Variants in CCSER2 observed in about 807,000 individuals in gnomAD.
CCSER2 encodes the protein serine-rich coiled-coil domain-containing protein 2.
In CCSER2, 46 loss-of-function variants were observed where a neutral mutation model predicts 92.3. That is an observed-to-expected ratio of 0.50 (90% CI 0.39 to 0.64). The LOEUF is 0.64. Ranked by LOEUF, CCSER2 falls within the 30% of genes least tolerant of loss-of-function variation. The pLI, the probability that CCSER2 is intolerant of heterozygous loss-of-function variation, is 0.00. For missense variants in CCSER2, 1,244 were observed against 1,238.9 expected, an observed-to-expected ratio of 1.00 and a Z score of -0.06; for synonymous variants, 433 against 431.4, an observed-to-expected ratio of 1.00 and a Z score of -0.04.
intron 9 of CCSER2, among the ~76,000 whole-genome samples, chr10:84,483,394 A>C (rs1847572050): frequency 7.5e-6 from 1 of 134,228 alleles, no homozygotes; most frequent in Admixed American, 7.5e-5. Flanking sequence ...ACTCTGTCTC[A>C]AAAAAAAAAA....
chr10:84,489,470 T>C (rs550714263), intron 9 of CCSER2, among the ~76,000 whole-genome samples: 24 of 152,360 alleles, frequency 1.6e-4, no homozygotes, highest in South Asian at 1.2e-3. Flanking sequence ...TCTTGTTGAA[T>C]TGATCCCTTT....
chr10:84,404,655 A>G (rs1029652461), intron 3 of CCSER2, among the ~76,000 whole-genome samples: 4 of 152,220 alleles, frequency 2.6e-5, no homozygotes. Flanking sequence ...TCAATTTTTA[A>G]AAGTTTGACT....
intron 9 of CCSER2, among the ~76,000 whole-genome samples, chr10:84,488,320 A>G (rs1300744097): frequency 6.6e-6 from 1 of 152,210 alleles, no homozygotes; most frequent in Non-Finnish European, 1.5e-5. Flanking sequence ...GAATGATACC[A>G]GCTCCTCCTT....
At chr10:84,465,602 A>C (rs1302476928) in intron 7 of CCSER2, among the ~76,000 whole-genome samples, 1 of 152,072 alleles carries the variant, frequency 6.6e-6, no homozygotes. Flanking sequence ...TTGGGATTGC[A>C]GGCATGAGCC....
chr10:84,480,136 C>G (rs1039180473), intron 9 of CCSER2, among the ~76,000 whole-genome samples: 1 of 152,146 alleles, frequency 6.6e-6, no homozygotes, highest in Non-Finnish European at 1.5e-5. Context: ...CCTTGACCTC[C>G]TGGGCTCAAG....
chr10:84,440,037 C>G (rs1452034998), intron 6 of CCSER2, among the ~76,000 whole-genome samples: 1 of 152,074 alleles, frequency 6.6e-6, no homozygotes, highest in East Asian at 1.9e-4. Context: ...GTGTTTTGCC[C>G]TGAATCATGA....
chr10:84,366,905 C>T (rs1313612887), intron 1 of CCSER2, among the ~76,000 whole-genome samples: 1 of 152,040 alleles, frequency 6.6e-6, no homozygotes, highest in East Asian at 1.9e-4. Flanking sequence ...GGTAGTAGTA[C>T]AGGAAGAAAT....
chr10:84,406,790 C>T (rs971862038), intron 3 of CCSER2, among the ~76,000 whole-genome samples: 6 of 152,198 alleles, frequency 3.9e-5, no homozygotes, highest in African/African-American at 1.4e-4. Flanking sequence ...CTCTTTCCCA[C>T]ATTAACCAAT....
rs778879221 is a variant in CCSER2, at chr10:84,417,917, A to T, written c.1705+56A>T. On this transcript the variant is annotated intron_variant, in intron 4 of 9. Coordinates refer to ENST00000372088, the MANE Select transcript of CCSER2 (RefSeq NM_001284240.2). ...GTATATACTTGAGCTACTCGACTGTAGCCAATTTGATATTTGTTACTTGCA... is the reference window on the plus strand; with the variant it reads ...GTATATACTTGAGCTACTCGACTGTTGCCAATTTGATATTTGTTACTTGCA... 2.8e-5 allele frequency: 24 copies of T among 856,370 alleles called. No homozygotes were observed. The Admixed American group carries it at 3.3e-4, about 12-fold the overall frequency. The allele number at this position is 856,370 out of a possible 1,614,324, so 53.0% of individuals were successfully genotyped here. A position where few individuals can be genotyped will look rare whatever the true frequency, so the allele number is the denominator to read the frequency against.
intron 9 of CCSER2, among the ~76,000 whole-genome samples, chr10:84,479,396 T>A (rs550339530): frequency 4.6e-5 from 7 of 152,350 alleles, no homozygotes; most frequent in South Asian, 2.1e-4. Flanking sequence ...GAGAGTGGTT[T>A]GCTGCCAACA....
At chr10:84,392,000 G>C in intron 3 of CCSER2, 1 of 1,324,440 alleles carries the variant, frequency 7.6e-7, no homozygotes, top group South Asian at 1.2e-5. Context: ...TCTCTGACCA[G>C]TTTCCTCTTC....
At chr10:84,391,737 C>T in intron 3 of CCSER2, 1 of 1,499,020 alleles carries the variant, frequency 6.7e-7, no homozygotes, top group Non-Finnish European at 9.3e-7. Flanking sequence ...GAGGTGGCCC[C>T]CATGCTACAG....
At chr10:84,473,291 AT>A (rs1846929046) in intron 8 of CCSER2, 1 of 152,180 alleles carries the variant, frequency 6.6e-6, no homozygotes, top group Non-Finnish European at 1.5e-5. Flanking sequence ...TCAGCTAGAA[AT>A]TCCCTCTGTA....
intron 6 of CCSER2, among the ~76,000 whole-genome samples, chr10:84,447,607 C>G (rs958629843): frequency 6.6e-6 from 1 of 152,118 alleles, no homozygotes; most frequent in African/African-American, 2.4e-5. Flanking sequence ...GTTTGAAAAT[C>G]CTTTCTTGCT....
At chr10:84,355,971 C>T (rs987426372) in intron 1 of CCSER2, among the ~76,000 whole-genome samples, 6 of 151,948 alleles carry the variant, frequency 3.9e-5, no homozygotes, top group East Asian at 1.9e-4. Flanking sequence ...GATGTAGTGG[C>T]GGGCGCCTGT....
intron 8 of CCSER2, among the ~76,000 whole-genome samples, chr10:84,471,435 G>A (rs1192033903): frequency 6.6e-6 from 1 of 152,038 alleles, no homozygotes; most frequent in African/African-American, 2.4e-5. Context: ...AGAAAATTAT[G>A]TAAGCTTCGA....
In CCSER2 at chr10:84,478,566, T is replaced by G. The variant is rs1458328845; in HGVS notation, c.2325+902T>G. Among the ~76,000 whole-genome samples the G allele has an allele frequency of 1.6e-4, 24 of 152,200 alleles. 1 individual carries two copies. The highest frequency in any genetic ancestry group is 1.6e-3 in the Admixed American group (24 of 15,270). On this transcript the variant is annotated intron_variant, in intron 9 of 9. Coordinates refer to ENST00000372088, the MANE Select transcript of CCSER2 (RefSeq NM_001284240.2). ...CTTTTCATCTAACAAGTATTTTTTTTGTGCTCTGTATAAGATACAATGGTA... is the reference window on the plus strand; with the variant it reads ...CTTTTCATCTAACAAGTATTTTTTTGGTGCTCTGTATAAGATACAATGGTA...
intron 9 of CCSER2, among the ~76,000 whole-genome samples, chr10:84,484,520 A>G (rs1847690618): frequency 7.4e-6 from 1 of 135,696 alleles, no homozygotes; most frequent in Non-Finnish European, 1.6e-5. Context: ...TGTGTGTTTC[A>G]AAGGGAATTA....
chr10:84,335,436 G>A (rs962431490), intron 1 of CCSER2, among the ~76,000 whole-genome samples: 3 of 151,702 alleles, frequency 2.0e-5, no homozygotes, highest in African/African-American at 7.3e-5. Context: ...TAGAGACAGG[G>A]TCTCCCCATG....
Sources: allele counts gnomAD v4.1 joint callset (sites outside exome capture counted in the v4.1 genomes callset), GRCh38; gene constraint gnomAD v4.1.1; transcripts MANE v1.5; gene names NCBI Gene and HGNC (gene_info 2026-07-23, HGNC 2026-07-21).